The following CUL1 variants were observed in gnomAD, a reference collection of about 807,000 sequenced individuals.
CUL1 encodes cullin-1.
CUL1 carries 24 observed loss-of-function variants against 118.0 expected under a neutral mutation model. The observed-to-expected ratio is 0.20, with a 90% confidence interval of 0.15 to 0.29. CUL1 has a LOEUF of 0.29. Among genes scored for constraint, CUL1 ranks in the 10% least tolerant of loss-of-function variants. CUL1 has a pLI of 1.00. For synonymous variants in CUL1, 332 were observed against 340.4 expected (o/e 0.98, Z 0.27); for missense variants, 361 against 933.8 (o/e 0.39, Z 7.99).
At chr7:148,721,137 T>A (rs1798383082) in intron 1 of CUL1, among the ~76,000 whole-genome samples, 1 of 152,244 alleles carries the variant, frequency 6.6e-6, no homozygotes, top group Admixed American at 6.5e-5. Context: ...TCCTTTAACG[T>A]GCTAAATTGT....
At chr7:148,772,788 T>C (rs1800258266) in intron 9 of CUL1, among the ~76,000 whole-genome samples, 1 of 152,110 alleles carries the variant, frequency 6.6e-6, no homozygotes, top group African/African-American at 2.4e-5. Context: ...CATGCCTTGT[T>C]CATCATAAGC....
At chr7:148,782,870 T>G (rs1452578691) in intron 9 of CUL1, among the ~76,000 whole-genome samples, 1 of 152,180 alleles carries the variant, frequency 6.6e-6, no homozygotes, top group Non-Finnish European at 1.5e-5. Flanking sequence ...TGTGCTTGGC[T>G]GGGGGTGACC....
rs550741609 is a variant in CUL1 at position 148,794,402 on chromosome 7, G to C, written c.1899+1584G>C. Among the ~76,000 whole-genome samples, 4 of 152,192 alleles carry C rather than the reference G, an allele frequency of 2.6e-5. No individual in the cohort carries two copies. The East Asian group carries it at 7.7e-4, about 29-fold the overall frequency. On this transcript the variant is annotated intron_variant, in intron 17 of 21. Coordinates refer to ENST00000325222, the MANE Select transcript of CUL1 (RefSeq NM_003592.3). ...CATAGGTATATATGGGTTTATTTCT[G>C]GATTCTCAATTATTTTCCAGTGATC...
intron 8 of CUL1, among the ~76,000 whole-genome samples, chr7:148,767,006 C>G: frequency 6.6e-6 from 1 of 152,166 alleles, no homozygotes; most frequent in African/African-American, 2.4e-5. Context: ...TGAAAATTCT[C>G]TGAGATGAGG....
chr7:148,741,519 ACCT>A (rs1405064795), intron 2 of CUL1, among the ~76,000 whole-genome samples: 2 of 152,094 alleles, frequency 1.3e-5, no homozygotes, highest in Admixed American at 6.6e-5. Context: ...GCTCACTGCA[ACCT>A]CCTCCTCTTA....
intron 6 of CUL1, 137 bp from the exon 7 acceptor site, chr7:148,760,196 G>A: frequency 3.3e-6 from 2 of 603,190 alleles, no homozygotes; most frequent in Non-Finnish European, 5.4e-6. Context: ...ATACTAGTGA[G>A]TAAGAGTTAC....
chr7:148,773,464 T>A (rs1189529843), intron 9 of CUL1, among the ~76,000 whole-genome samples: 1 of 152,210 alleles, frequency 6.6e-6, no homozygotes, highest in African/African-American at 2.4e-5. Flanking sequence ...CATGTGGTTA[T>A]AACTTCCTGT....
intron 17 of CUL1, among the ~76,000 whole-genome samples, chr7:148,797,158 G>A (rs765501636): frequency 5.3e-5 from 8 of 152,108 alleles, no homozygotes; most frequent in South Asian, 2.1e-4. Context: ...GTCGCCTGCC[G>A]CTGAGCCCCA....
chr7:148,725,219 G>GCACGCACA, intron 1 of CUL1, among the ~76,000 whole-genome samples: 1 of 140,150 alleles, frequency 7.1e-6, no homozygotes, highest in African/African-American at 2.8e-5. Context: ...ACACGCGCGC[G>GCACGCACA]CTCACACACA....
intron 2 of CUL1, among the ~76,000 whole-genome samples, chr7:148,750,450 G>GC (rs1799451394): frequency 6.6e-6 from 1 of 151,708 alleles, no homozygotes; most frequent in African/African-American, 2.4e-5. Context: ...CCCTTCCCTA[G>GC]CCCCCCGCCC....
intron 16 of CUL1, 133 bp from the exon 17 acceptor site, chr7:148,792,593 C>G: frequency 3.5e-6 from 2 of 569,370 alleles, no homozygotes; most frequent in South Asian, 5.7e-5. Flanking sequence ...TTAAATAGAT[C>G]TGTGCTTTTT....
chr7:148,796,832 A>T (rs1027850937), intron 17 of CUL1, among the ~76,000 whole-genome samples: 43 of 152,120 alleles, frequency 2.8e-4, no homozygotes, highest in African/African-American at 1.0e-3. Context: ...CCTGCTCTAG[A>T]TGCAGTGGGC....
At chr7:148,739,082 A>T (rs1249881872) in intron 2 of CUL1, among the ~76,000 whole-genome samples, 5 of 152,186 alleles carry the variant, frequency 3.3e-5, no homozygotes, top group African/African-American at 1.2e-4. Flanking sequence ...CACACCTCAT[A>T]ATTCAGGAAT....
chr7:148,788,812 A>C (rs1038253449), intron 14 of CUL1, 138 bp downstream of exon 14: 9 of 670,918 alleles, frequency 1.3e-5, no homozygotes, highest in Non-Finnish European at 2.1e-5. Context: ...ATTCCTCCCA[A>C]ATGCCCAGCC....
At chr7:148,784,974 T>C (rs1039888286) in intron 11 of CUL1, among the ~76,000 whole-genome samples, 1 of 152,222 alleles carries the variant, frequency 6.6e-6, no homozygotes, top group Non-Finnish European at 1.5e-5. Context: ...TATAGCTTTC[T>C]AGGAACATAA....
chr7:148,764,867 A>G (rs1449640495), intron 7 of CUL1, among the ~76,000 whole-genome samples: 2 of 152,258 alleles, frequency 1.3e-5, no homozygotes, highest in African/African-American at 4.8e-5. Context: ...CCACATTGGA[A>G]TCATGGTATA....
chr7:148,759,160 T>C (rs1478911977), intron 4 of CUL1, 144 bp from the exon 5 acceptor site: 2 of 703,982 alleles, frequency 2.8e-6, no homozygotes, highest in Non-Finnish European at 4.9e-6. Flanking sequence ...AGTGGCTTTC[T>C]GCTTTTGTCC....
chr7:148,768,545 C>T (rs542776904), intron 9 of CUL1, among the ~76,000 whole-genome samples: 6 of 151,960 alleles, frequency 3.9e-5, no homozygotes, highest in East Asian at 1.9e-4. Flanking sequence ...CCACCATTCC[C>T]GGCTAATTTT....
chr7:148,740,392 G>A (rs536092149), intron 2 of CUL1, among the ~76,000 whole-genome samples: 1 of 152,192 alleles, frequency 6.6e-6, no homozygotes, highest in African/African-American at 2.4e-5. Flanking sequence ...AGCATACAAT[G>A]CACTCATTTA....
Sources: gnomAD v4.1 joint callset for allele counts (sites outside exome capture counted in the v4.1 genomes callset) on GRCh38, gnomAD v4.1.1 for gene constraint, MANE v1.5 for transcripts, NCBI Gene and HGNC (gene_info 2026-07-23, HGNC 2026-07-21) for gene names.